The following DGKD variants were observed in gnomAD, a reference collection of about 807,000 sequenced individuals.
The protein encoded by DGKD is DAG kinase delta.
A neutral mutation model predicts 154.4 loss-of-function variants in DGKD; 68 were observed. That is an observed-to-expected ratio of 0.44 (90% CI 0.36 to 0.54). The LOEUF is 0.54. Among genes scored for constraint, DGKD ranks in the 20% least tolerant of loss-of-function variants. The probability of loss-of-function intolerance (pLI) is 0.00; values close to 1 mark genes in which losing one functional copy is unlikely to be tolerated. For missense variants in DGKD, 1,343 were observed against 1,593.6 expected (o/e 0.84, Z 2.68); for synonymous variants, 693 against 638.0 (o/e 1.09, Z -1.30).
In DGKD at chr2:233,354,904, G is replaced by T. The variant is rs1175608332; in HGVS notation, c.156+230G>T. ...GGGCGGCTGTGGGGCCGGGCGGGGG[G>T]CGCGCAGGTGGGCGCCCCGGGCGCC... On this transcript the variant is annotated intron_variant, in intron 1 of 29. Transcript: ENST00000264057. The surrounding 1 kb of genome is among the most constrained non-coding windows in gnomAD (Gnocchi z 4.8). Among the ~76,000 whole-genome samples the T allele has an allele frequency of 6.9e-6, 1 of 145,354 alleles. No homozygotes were observed. The highest frequency in any genetic ancestry group is 1.5e-5 in the Non-Finnish European group (1 of 65,604).
At chr2:233,388,057 A>G in intron 1 of DGKD, 200 bp from the exon 2 acceptor site, 1 of 1,219,666 alleles carries the variant, frequency 8.2e-7, no homozygotes, top group Non-Finnish European at 1.1e-6. Context: ...ATTGCCCCTT[A>G]GAGGACAGGA....
At chr2:233,403,034 T>G (rs2125489698) in intron 3 of DGKD, among the ~76,000 whole-genome samples, 1 of 152,156 alleles carries the variant, frequency 6.6e-6, no homozygotes, top group South Asian at 2.1e-4. Flanking sequence ...GGTAAGCTTC[T>G]CTGAGGAGCG....
rs2064029199 is a variant in DGKD at position 233,471,973 on chromosome 2, T to C, written c.*2513T>C. On this transcript the variant is annotated 3_prime_UTR_variant, in exon 30 of 30. Coordinates refer to ENST00000264057, the MANE Select transcript of DGKD (RefSeq NM_152879.3). ...GGCTTACCCCCTCGTATTTATAATC[T>C]TAATTTATATAGTGACCACCGTGGA... 1 of 152,386 alleles carries C rather than the reference T, an allele frequency of 6.6e-6. No homozygotes were observed. Among genetic ancestry groups the C allele is most frequent in the South Asian group, 2.1e-4 (1 of 4,830 alleles). The allele number at this position is 152,386 out of a possible 1,614,324, so 9.4% of individuals were successfully genotyped here.
chr2:233,449,301 C>T lies in DGKD; in HGVS notation c.1813C>T (p.Pro605Ser), dbSNP rs1015276681. Residue 605 changes from proline (P) to serine (S), a missense_variant, in exon 15 of 30, where the codon CCT becomes TCT. Pro to Ser is a moderately conservative substitution (Grantham distance 74). Coordinates refer to ENST00000264057, the MANE Select transcript of DGKD (RefSeq NM_152879.3). The surrounding 1 kb of genome is among the most constrained non-coding windows in gnomAD (Gnocchi z 5.3). ...ACPARPQIFR[P>S]REQLMLRANS... ...CCCGGCCCGGCCGCAGATATTCCGG[C>T]CTCGAGAACAGCTCATGCTGAGAGC... The T allele has an allele frequency of 6.2e-7, 1 of 1,612,966 alleles. No individual in the cohort carries two copies. Among genetic ancestry groups the T allele is most frequent in the Non-Finnish European group, 8.5e-7 (1 of 1,179,324 alleles).
intron 1 of DGKD, among the ~76,000 whole-genome samples, chr2:233,370,968 T>C (rs569944583): frequency 6.6e-6 from 1 of 151,442 alleles, no homozygotes; most frequent in Non-Finnish European, 1.5e-5. Context: ...TCCAGGTTGG[T>C]CTCGAACACT....
At position 233,442,481 on chromosome 2, in the gene DGKD, C is replaced by G. The variant is rs977706177; in HGVS notation, c.1194+486C>G. The G allele has an allele frequency of 1.1e-5, 3 of 283,472 alleles. No individual in the cohort carries two copies. The Admixed American group carries it at 1.3e-4, about 12-fold the overall frequency. 17.6% of individuals were successfully genotyped at this position (283,472 alleles called of 1,614,324 possible). A position where few individuals can be genotyped will look rare whatever the true frequency, so the allele number is the denominator to read the frequency against. ...TTTAATTTCCACACCAAGCCACGGCCTCCCCAGGTGATCAGCCAGTGCCAA... is the reference window on the plus strand; with the variant it reads ...TTTAATTTCCACACCAAGCCACGGCGTCCCCAGGTGATCAGCCAGTGCCAA... On this transcript the variant is annotated intron_variant, in intron 10 of 29. Coordinates refer to ENST00000264057, the MANE Select transcript of DGKD (RefSeq NM_152879.3).
At chr2:233,434,244 T>C in intron 3 of DGKD, 136 bp from the exon 4 acceptor site, 1 of 628,978 alleles carries the variant, frequency 1.6e-6, no homozygotes, top group Non-Finnish European at 2.8e-6. Context: ...TAACCATTTT[T>C]GTTTTCGGTT....
At chr2:233,421,667 T>C (rs2062118946) in intron 3 of DGKD, among the ~76,000 whole-genome samples, 2 of 152,158 alleles carry the variant, frequency 1.3e-5, no homozygotes. Context: ...CTCTGGCTCC[T>C]TCCTCGCCTC....
chr2:233,467,341 C>G, intron 28 of DGKD, 138 bp downstream of exon 28: 1 of 701,920 alleles, frequency 1.4e-6, no homozygotes, highest in Non-Finnish European at 2.6e-6. Flanking sequence ...GGTCCTGCGA[C>G]CACACTTGTC....
At chr2:233,373,281 A>G (rs1344583871) in intron 1 of DGKD, among the ~76,000 whole-genome samples, 1 of 152,264 alleles carries the variant, frequency 6.6e-6, no homozygotes, top group Non-Finnish European at 1.5e-5. Flanking sequence ...AACACTGGAA[A>G]TAAGATGGAA....
At chr2:233,405,943 C>T (rs1232332874) in intron 3 of DGKD, among the ~76,000 whole-genome samples, 1 of 152,146 alleles carries the variant, frequency 6.6e-6, no homozygotes, top group Non-Finnish European at 1.5e-5. Context: ...CTCATGGCTT[C>T]CATAGCAAAT....
intron 7 of DGKD, among the ~76,000 whole-genome samples, chr2:233,437,039 G>A (rs2062720385): frequency 6.6e-6 from 1 of 152,238 alleles, no homozygotes. Context: ...GACACATAGA[G>A]GCACATGGCC....
At chr2:233,435,668 G>T in intron 5 of DGKD, 150 bp from the exon 6 acceptor site, 1 of 597,214 alleles carries the variant, frequency 1.7e-6, no homozygotes. Flanking sequence ...CAGCCTCTAA[G>T]CGTATCACAG....
At chr2:233,362,542 T>G (rs759526356) in intron 1 of DGKD, among the ~76,000 whole-genome samples, 1 of 152,090 alleles carries the variant, frequency 6.6e-6, no homozygotes, top group Non-Finnish European at 1.5e-5. Flanking sequence ...TCCCAGCTAC[T>G]CGGGAGGCTG....
intron 3 of DGKD, among the ~76,000 whole-genome samples, chr2:233,422,664 C>T (rs2062159159): frequency 6.6e-6 from 1 of 152,224 alleles, no homozygotes; most frequent in Non-Finnish European, 1.5e-5. Context: ...CGCCCTTGTC[C>T]TTAAGAAACA....
rs1172686324 is a variant in DGKD, at chr2:233,416,144, T to C, written c.349-18236T>C. Among the ~76,000 whole-genome samples the C allele has an allele frequency of 2.0e-5, 3 of 152,212 alleles. No homozygotes were observed. The South Asian group carries it at 6.2e-4, about 32-fold the overall frequency. ...TGTTTTATTGTGGTAGAATACTGTT[T>C]TATTGTGGTAGAATACACATAACAT... is the stretch of plus-strand genomic sequence containing the variant. On this transcript the variant is annotated intron_variant, in intron 3 of 29. Transcript: ENST00000264057.
chr2:233,446,682 C>G (rs762645777), intron 11 of DGKD, 30 bp from the exon 12 acceptor site: 3 of 1,608,370 alleles, frequency 1.9e-6, no homozygotes, highest in Non-Finnish European at 2.5e-6. Context: ...GCACGTCTTG[C>G]CGCCTGTGCA....
chr2:233,411,857 G>T (rs935309086), intron 3 of DGKD, among the ~76,000 whole-genome samples: 1 of 152,138 alleles, frequency 6.6e-6, no homozygotes. Flanking sequence ...TTGAGGCAGC[G>T]TTTATTGAAG....
chr2:233,377,343 C>G (rs1367664446), intron 1 of DGKD, among the ~76,000 whole-genome samples: 2 of 152,218 alleles, frequency 1.3e-5, no homozygotes, highest in African/African-American at 4.8e-5. Flanking sequence ...TTCGGCCTCC[C>G]AAAGTGCTGG....
Sources: allele counts gnomAD v4.1 joint callset (sites outside exome capture counted in the v4.1 genomes callset), GRCh38; gene constraint gnomAD v4.1.1; non-coding constraint Gnocchi (gnomAD v3.1); transcripts MANE v1.5; gene names NCBI Gene and HGNC (gene_info 2026-07-23, HGNC 2026-07-21).